The following MYO3A variants were observed in gnomAD, a reference collection of about 807,000 sequenced individuals.
MYO3A encodes myosin IIIA.
A neutral mutation model predicts 192.7 loss-of-function variants in MYO3A; 180 were observed. The ratio of observed to expected loss-of-function variants is 0.93; its 90% CI spans 0.83 to 1.06. The LOEUF (loss-of-function observed/expected upper bound fraction) is 1.06, where lower values mean the gene tolerates loss of function less well. Among genes scored for constraint, MYO3A ranks in the 50% least tolerant of loss-of-function variants. MYO3A has a pLI of 0.00. For synonymous variants in MYO3A, 628 were observed against 645.3 expected (o/e 0.97, Z 0.41); for missense variants, 1,896 against 1,905.0 (o/e 1.00, Z 0.09).
chr10:26,110,578 A>G (rs1378945762), intron 17 of MYO3A, among the ~76,000 whole-genome samples: 1 of 152,222 alleles, frequency 6.6e-6, no homozygotes, highest in Non-Finnish European at 1.5e-5. Context: ...TGGCTTCACC[A>G]TAGCACCTTT....
intron 32 of MYO3A, among the ~76,000 whole-genome samples, chr10:26,193,620 G>A (rs896471966): frequency 6.6e-6 from 1 of 152,150 alleles, no homozygotes; most frequent in East Asian, 1.9e-4. Flanking sequence ...ATCATAGCAG[G>A]AGCTCTCCAG....
At position 26,143,467 on chromosome 10, in the gene MYO3A, A is replaced by G. The variant is rs202173336; in HGVS notation, c.2282A>G (p.Asp761Gly). ...TTATAGAATGAATACCTAAATGAAG[A>G]TGTGGATGCTAGAGTTATTGAATAT... ...AWEQNEYLNE[D>G]VDARVIEYED... The change falls in exon 21 of 35, where the codon GAT becomes GGT. Residue 761 changes from aspartate to glycine, a missense_variant. Transcript: ENST00000642920. 6.2e-7 allele frequency: 1 copy of G among 1,612,462 alleles called. No individual in the cohort carries two copies. The highest frequency in any genetic ancestry group is 2.2e-5 in the East Asian group (1 of 44,826).
At chr10:26,152,918 A>G (rs1840882924) in intron 23 of MYO3A, among the ~76,000 whole-genome samples, 2 of 152,228 alleles carry the variant, frequency 1.3e-5, no homozygotes, top group South Asian at 2.1e-4. Flanking sequence ...TTCCTGCACC[A>G]TCTTAGGCCA....
At position 26,088,422 on chromosome 10, in the gene MYO3A, T is replaced by A. The variant is rs1226220827; in HGVS notation, c.1562+17T>A. ...CCAAGCTATGTAAGTTTATTTCAAATCTCTCCTATTTTGGAGGAAGCAGAA... is the reference window on the plus strand; with the variant it reads ...CCAAGCTATGTAAGTTTATTTCAAAACTCTCCTATTTTGGAGGAAGCAGAA... On this transcript the variant is annotated intron_variant, in intron 15 of 34. Transcript: ENST00000642920. 2 of 1,604,526 alleles carry A rather than the reference T, an allele frequency of 1.2e-6. No individual in the cohort carries two copies. Among genetic ancestry groups the A allele is most frequent in the African/African-American group, 2.7e-5 (2 of 74,684 alleles).
chr10:26,171,321 G>A (rs1452761447), intron 29 of MYO3A, among the ~76,000 whole-genome samples: 1 of 152,024 alleles, frequency 6.6e-6, no homozygotes, highest in African/African-American at 2.4e-5. Context: ...CATCAAGTCT[G>A]GCCATAGAAA....
At chr10:26,014,037 C>G (rs1249112677) in intron 6 of MYO3A, among the ~76,000 whole-genome samples, 2 of 151,978 alleles carry the variant, frequency 1.3e-5, no homozygotes, top group African/African-American at 4.8e-5. Flanking sequence ...GAACCAAAAA[C>G]CATATATTAT....
At chr10:25,994,136 G>C (rs997858066) in intron 4 of MYO3A, among the ~76,000 whole-genome samples, 2 of 152,100 alleles carry the variant, frequency 1.3e-5, no homozygotes, top group African/African-American at 4.8e-5. Context: ...CATTATTATT[G>C]TGTGGGAGTC....
chr10:25,947,982 G>A (rs1185620033), intron 2 of MYO3A, among the ~76,000 whole-genome samples: 1 of 152,124 alleles, frequency 6.6e-6, no homozygotes, highest in Non-Finnish European at 1.5e-5. Flanking sequence ...TCAAAATAGA[G>A]CAGGGTAAGT....
chr10:25,944,468 A>G (rs1220387415), intron 2 of MYO3A, among the ~76,000 whole-genome samples: 1 of 151,974 alleles, frequency 6.6e-6, no homozygotes, highest in East Asian at 1.9e-4. Context: ...TTTGAGAAGG[A>G]TTGTCGTTAA....
At chr10:25,983,284 C>A (rs1839444794) in intron 4 of MYO3A, among the ~76,000 whole-genome samples, 1 of 149,314 alleles carries the variant, frequency 6.7e-6, no homozygotes, top group Non-Finnish European at 1.5e-5. Flanking sequence ...GAGACAAATT[C>A]CCACTCTGTC....
intron 17 of MYO3A, among the ~76,000 whole-genome samples, chr10:26,116,898 G>A (rs149151470): frequency 1.2e-4 from 18 of 152,290 alleles, no homozygotes; most frequent in Non-Finnish European, 2.2e-4. Flanking sequence ...AATGTCCTGT[G>A]AGGGCAGAGT....
rs556829596 is a variant in MYO3A at position 26,127,559 on chromosome 10, G to A, written c.2115-832G>A. ...CAGTTGCTTCCTCCAAATGTAGAGCGGATCCTTCAGGTCACAGTGTGCAGT... is the reference window on the plus strand; with the variant it reads ...CAGTTGCTTCCTCCAAATGTAGAGCAGATCCTTCAGGTCACAGTGTGCAGT... On this transcript the variant is annotated intron_variant, in intron 19 of 34. Transcript: ENST00000642920. Among the ~76,000 whole-genome samples the A allele has an allele frequency of 4.6e-5, 7 of 152,152 alleles. No homozygotes were observed. The East Asian group carries it at 5.8e-4, about 13-fold the overall frequency.
chr10:26,017,500 ACT>A (rs990115011), intron 7 of MYO3A, among the ~76,000 whole-genome samples: 1 of 151,762 alleles, frequency 6.6e-6, no homozygotes, highest in East Asian at 1.9e-4. Flanking sequence ...ATTTTTGAAG[ACT>A]CTCTCTACAA....
At chr10:26,147,085 A>G (rs148549348) in intron 22 of MYO3A, among the ~76,000 whole-genome samples, 1,536 of 152,330 alleles carry the variant, frequency 0.01, 9 homozygotes, top group Middle Eastern at 0.034. Context: ...TCATAGAAAT[A>G]GGAATGCCTT....
chr10:26,076,051 C>T (rs1277076947), intron 14 of MYO3A, among the ~76,000 whole-genome samples: 5 of 151,780 alleles, frequency 3.3e-5, no homozygotes, highest in African/African-American at 1.2e-4. Flanking sequence ...GTTCTACTTT[C>T]AGTTCTTTAA....
chr10:26,119,342 C>T (rs1361429854), intron 17 of MYO3A, among the ~76,000 whole-genome samples: 1 of 152,086 alleles, frequency 6.6e-6, no homozygotes, highest in East Asian at 1.9e-4. Context: ...CCTGAACACC[C>T]CAAGGAAACC....
intron 28 of MYO3A, 151 bp downstream of exon 28, chr10:26,169,025 T>G (rs573214814): frequency 1.1e-5 from 8 of 708,972 alleles, no homozygotes; most frequent in South Asian, 2.0e-5. Flanking sequence ...AGTCAAATTG[T>G]TTTAGTGATT....
intron 31 of MYO3A, among the ~76,000 whole-genome samples, chr10:26,188,752 C>A (rs1842981768): frequency 6.6e-6 from 1 of 152,104 alleles, no homozygotes; most frequent in Admixed American, 6.5e-5. Flanking sequence ...GAATCATTTC[C>A]CCCATTTCTT....
At chr10:26,135,131 G>A (rs1839770949) in intron 20 of MYO3A, among the ~76,000 whole-genome samples, 1 of 152,158 alleles carries the variant, frequency 6.6e-6, no homozygotes, top group African/African-American at 2.4e-5. Flanking sequence ...ATAGGACAGT[G>A]AAATGAAACC....
Sources: gnomAD v4.1 joint callset for allele counts (sites outside exome capture counted in the v4.1 genomes callset) on GRCh38, gnomAD v4.1.1 for gene constraint, MANE v1.5 for transcripts, NCBI Gene and HGNC (gene_info 2026-07-23, HGNC 2026-07-21) for gene names.